CNTN4: variants seen among roughly 807,000 people sequenced by gnomAD.
CNTN4 encodes the protein contactin 4, also known as contactin-4.
Under a neutral mutation model 122.5 loss-of-function variants are expected in CNTN4, and 77 were observed. That is an observed-to-expected ratio of 0.63 (90% CI 0.52 to 0.76). The LOEUF is 0.76. Among genes scored for constraint, CNTN4 ranks in the 30% least tolerant of loss-of-function variants. CNTN4 has a pLI of 0.00. For missense variants in CNTN4, 1,256 were observed against 1,259.1 expected, an observed-to-expected ratio of 1.00 and a Z score of 0.04; for synonymous variants, 512 against 447.0, an observed-to-expected ratio of 1.15 and a Z score of -1.83.
At chr3:2,540,276 C>T (rs1459510558) in intron 3 of CNTN4, among the ~76,000 whole-genome samples, 2 of 151,968 alleles carry the variant, frequency 1.3e-5, no homozygotes, top group Non-Finnish European at 1.5e-5. Context: ...TGAATGGTAA[C>T]AGGCACCCAA....
At chr3:2,859,197 T>A (rs936751040) in intron 7 of CNTN4, among the ~76,000 whole-genome samples, 2 of 152,236 alleles carry the variant, frequency 1.3e-5, no homozygotes, top group African/African-American at 4.8e-5. Context: ...CTTTGCATAA[T>A]GTCCTCCAGG....
chr3:2,291,530 G>C (rs2149998187), intron 2 of CNTN4, among the ~76,000 whole-genome samples: 1 of 152,104 alleles, frequency 6.6e-6, no homozygotes, highest in Non-Finnish European at 1.5e-5. Context: ...TATGATTGAT[G>C]ATTATTGAAT....
At chr3:2,779,263 T>A (rs1270904912) in intron 6 of CNTN4, among the ~76,000 whole-genome samples, 1 of 152,056 alleles carries the variant, frequency 6.6e-6, no homozygotes, top group African/African-American at 2.4e-5. Flanking sequence ...GTTTGTTTGT[T>A]TGTTTGTTTT....
chr3:2,795,977 C>T (rs73109105), intron 6 of CNTN4, among the ~76,000 whole-genome samples: 3,425 of 152,172 alleles, frequency 0.023, 145 homozygotes, highest in African/African-American at 0.075. Flanking sequence ...TGTAAATAAC[C>T]ATTTCTTAGA....
chr3:2,900,766 G>A lies in CNTN4; in HGVS notation c.1022G>A (p.Gly341Glu). Residue 341 changes from glycine to glutamate, a missense_variant, in exon 11 of 25, where the codon GGA (glycine) becomes GAA (glutamate). Gly to Glu is a moderately conservative substitution (Grantham distance 98). Coordinates refer to ENST00000418658, the MANE Select transcript of CNTN4 (RefSeq NM_175607.3). ...ENVFWECKAN[G>E]RPKPTYKWLK... ...GTCTTTTGGGAATGTAAAGCAAATG[G>A]AAGGCCTAAGCCTACATACAAGTGG... 6.2e-7 allele frequency: 1 copy of A among 1,613,966 alleles called. No homozygotes were observed. Among genetic ancestry groups the A allele is most frequent in the South Asian group, 1.1e-5 (1 of 91,084 alleles).
At chr3:2,111,386 T>A (rs9846579) in intron 2 of CNTN4, among the ~76,000 whole-genome samples, 18,582 of 152,242 alleles carry the variant, frequency 0.12, 1,294 homozygotes, top group Non-Finnish European at 0.16. Flanking sequence ...TCTGAATTAA[T>A]GAATTGTTAC....
rs930854675 is a variant in CNTN4 at position 2,577,983 on chromosome 3, T to C, written c.55+6425T>C. Among the ~76,000 whole-genome samples, 53 of 152,166 alleles carry C rather than the reference T, an allele frequency of 3.5e-4. 1 individual carries two copies. Among genetic ancestry groups the C allele is most frequent in the Non-Finnish European group, 4.4e-5 (3 of 68,034 alleles). ...TGTTGATTTGCTCACAAAATCTATG[T>C]CGTTATTATATCTGCATCTGGGGGC... On this transcript the variant is annotated intron_variant, in intron 4 of 24. Coordinates refer to ENST00000418658, the MANE Select transcript of CNTN4 (RefSeq NM_175607.3).
At chr3:2,217,172 G>A (rs2038878760) in intron 2 of CNTN4, among the ~76,000 whole-genome samples, 1 of 152,096 alleles carries the variant, frequency 6.6e-6, no homozygotes, top group African/African-American at 2.4e-5. Flanking sequence ...ATGCTCCTGG[G>A]CTTTTCTGTG....
At chr3:2,961,542 A>C (rs1458512618) in intron 13 of CNTN4, among the ~76,000 whole-genome samples, 1 of 152,152 alleles carries the variant, frequency 6.6e-6, no homozygotes. Flanking sequence ...CATACCTTAC[A>C]TAAAAATAAA....
At chr3:2,302,517 C>T (rs1176208524) in intron 2 of CNTN4, among the ~76,000 whole-genome samples, 1 of 152,188 alleles carries the variant, frequency 6.6e-6, no homozygotes, top group Admixed American at 6.5e-5. Flanking sequence ...ATAATCTTAA[C>T]GTGAGCTAAC....
intron 7 of CNTN4, among the ~76,000 whole-genome samples, chr3:2,854,088 A>G (rs2093590371): frequency 6.6e-6 from 1 of 152,152 alleles, no homozygotes; most frequent in Non-Finnish European, 1.5e-5. Flanking sequence ...TTTTGTTTTT[A>G]AAGGTCCAAA....
intron 2 of CNTN4, among the ~76,000 whole-genome samples, chr3:2,129,427 C>T (rs2034344356): frequency 1.3e-5 from 2 of 150,876 alleles, no homozygotes; most frequent in African/African-American, 2.4e-5. Flanking sequence ...AAGTTGTTTT[C>T]GATATGCTAT....
chr3:2,303,939 A>G (rs2042613629), intron 2 of CNTN4, among the ~76,000 whole-genome samples: 1 of 152,076 alleles, frequency 6.6e-6, no homozygotes, highest in East Asian at 1.9e-4. Flanking sequence ...TTTGTGTCAC[A>G]ATAGATTATC....
intron 2 of CNTN4, among the ~76,000 whole-genome samples, chr3:2,160,708 C>G (rs1381596282): frequency 6.6e-6 from 1 of 152,162 alleles, no homozygotes; most frequent in African/African-American, 2.4e-5. Flanking sequence ...CTTAAACTTC[C>G]TCAGCAAGGG....
chr3:2,955,800 C>T (rs188072273), intron 13 of CNTN4, among the ~76,000 whole-genome samples: 1 of 152,236 alleles, frequency 6.6e-6, no homozygotes, highest in East Asian at 1.9e-4. Context: ...AAGGAATGGT[C>T]AAAAGTGACA....
intron 2 of CNTN4, among the ~76,000 whole-genome samples, chr3:2,316,287 C>T (rs1019971395): frequency 6.6e-6 from 1 of 151,932 alleles, no homozygotes; most frequent in Non-Finnish European, 1.5e-5. Flanking sequence ...ATCTGTCTGA[C>T]AATAAAATGT....
At chr3:2,842,044 T>C (rs571070809) in intron 7 of CNTN4, among the ~76,000 whole-genome samples, 3 of 152,298 alleles carry the variant, frequency 2.0e-5, no homozygotes, top group East Asian at 1.9e-4. Context: ...TGAGCCTTCA[T>C]CACCATTTAA....
At chr3:2,880,921 C>T (rs758041312) in intron 8 of CNTN4, among the ~76,000 whole-genome samples, 38 of 152,190 alleles carry the variant, frequency 2.5e-4, no homozygotes, top group Non-Finnish European at 4.1e-4. Context: ...GGTTGCTAGC[C>T]GTGGATCCTC....
intron 3 of CNTN4, among the ~76,000 whole-genome samples, chr3:2,416,832 T>G (rs1264724321): frequency 6.6e-6 from 1 of 152,094 alleles, no homozygotes; most frequent in Non-Finnish European, 1.5e-5. Context: ...TTTTTTGTAT[T>G]TTTAGTAGAG....
Sources: allele counts gnomAD v4.1 joint callset (sites outside exome capture counted in the v4.1 genomes callset), GRCh38; gene constraint gnomAD v4.1.1; transcripts MANE v1.5; gene names NCBI Gene and HGNC (gene_info 2026-07-23, HGNC 2026-07-21).